Variants in ZNF92 observed in about 807,000 individuals in gnomAD.
ZNF92 encodes epididymis luminal protein 203.
A neutral mutation model predicts 12.4 loss-of-function variants in ZNF92; 11 were observed. That is an observed-to-expected ratio of 0.89 (90% CI 0.56 to 1.47). ZNF92 has a LOEUF of 1.47. Ranked by LOEUF, ZNF92 falls within the 40% of genes most tolerant of loss-of-function variation. ZNF92 has a pLI of 0.00. For synonymous variants in ZNF92, 206 were observed against 228.6 expected, an observed-to-expected ratio of 0.90 and a Z score of 0.89; for missense variants, 622 against 681.0, an observed-to-expected ratio of 0.91 and a Z score of 0.96.
rs1793985039 is a variant in ZNF92 at position 65,400,466 on chromosome 7, T to C, written c.*591T>C. ...CAGAGAGTTCATACTAAAATATATTTTTGCAGATGCAGTAAATATGAAAAA... is the reference window on the plus strand; with the variant it reads ...CAGAGAGTTCATACTAAAATATATTCTTGCAGATGCAGTAAATATGAAAAA... On this transcript the variant is annotated 3_prime_UTR_variant, in exon 4 of 4. Transcript: ENST00000328747. 3.3e-5 allele frequency: 5 copies of C among 152,152 alleles called. No homozygotes were observed. In the South Asian group the frequency reaches 1.0e-3, roughly 32 times the overall value. 9.4% of individuals were successfully genotyped at this position (152,152 alleles called of 1,614,324 possible). A position where few individuals can be genotyped will look rare whatever the true frequency, so the allele number is the denominator to read the frequency against.
intron 1 of ZNF92, among the ~76,000 whole-genome samples, chr7:65,386,634 A>G (rs1253676018): frequency 6.6e-6 from 1 of 152,102 alleles, no homozygotes; most frequent in Non-Finnish European, 1.5e-5. Flanking sequence ...TATGTTGTCT[A>G]GGGTGCTAAA....
chr7:65,388,132 G>A (rs1278809857), intron 2 of ZNF92, 104 bp downstream of exon 2: 1 of 1,288,530 alleles, frequency 7.8e-7, no homozygotes, highest in Admixed American at 2.6e-5. Context: ...ATGAGTTTCA[G>A]ATCCCAGTTT....
In ZNF92 at chr7:65,398,869, CTGG is replaced by C; in HGVS notation, c.756_758del (p.Gly253del). The C allele has an allele frequency of 6.2e-7, 1 of 1,612,870 alleles. No homozygotes were observed. The highest frequency in any genetic ancestry group is 1.1e-5 in the South Asian group (1 of 90,994). ...CTTACTAAACATAAAATAATTCATA[CTGG>C]AGAGAAACCCTACAAATGTGAAGAA... is the stretch of plus-strand genomic sequence containing the variant. On this transcript the variant is annotated inframe_deletion, in exon 4 of 4. Transcript: ENST00000328747.
chr7:65,397,787 C>G (rs984149693), intron 3 of ZNF92, among the ~76,000 whole-genome samples: 8 of 150,618 alleles, frequency 5.3e-5, no homozygotes, highest in Admixed American at 4.7e-4. Flanking sequence ...TAATCAGTTG[C>G]TACACGTGTT....
At chr7:65,380,027 A>C (rs771241444) in intron 1 of ZNF92, among the ~76,000 whole-genome samples, 3 of 151,714 alleles carry the variant, frequency 2.0e-5, no homozygotes, top group African/African-American at 7.3e-5. Flanking sequence ...GCCACCCTCT[A>C]CCCTCAACTA....
rs746328470 is a variant in ZNF92 at position 65,399,851 on chromosome 7, T to C, written c.1737T>C (p.Tyr579=). Residue 579 remains tyrosine, a synonymous_variant, in exon 4 of 4, where the codon TAT becomes TAC. Coordinates refer to ENST00000328747, the MANE Select transcript of ZNF92 (RefSeq NM_152626.4). ...GAGCCTTTAACAAATCCTCAAATTA[T>C]ACTAAAGAGAAACTACAAACCTGAA... ...CGRAFNKSSN[Y]TKEKLQT 2.0e-5 allele frequency: 31 copies of C among 1,583,108 alleles called. No individual in the cohort carries two copies. Among genetic ancestry groups the C allele is most frequent in the Non-Finnish European group, 2.7e-5 (31 of 1,166,818 alleles).
At chr7:65,388,094 GT>G (rs1289083178) in intron 2 of ZNF92, 66 bp downstream of exon 2, 1 of 1,505,772 alleles carries the variant, frequency 6.6e-7, no homozygotes, top group South Asian at 1.2e-5. Context: ...TTTGTAAAAT[GT>G]TTTTTGGTAA....
chr7:65,398,558 T>C lies in ZNF92; in HGVS notation c.444T>C (p.Asp148=), dbSNP rs772513652. The change falls in exon 4 of 4, where the codon GAT becomes GAC. Residue 148 remains aspartate, a synonymous_variant. Coordinates refer to ENST00000328747, the MANE Select transcript of ZNF92 (RefSeq NM_152626.4). ...TTTDSKIFQC[D]KYVKVFHKFP... The stretch of plus-strand genomic sequence containing the variant: ...CTGACAGCAAGATATTTCAGTGTGA[T>C]AAATATGTGAAAGTCTTTCATAAAT... 1 of 1,609,620 alleles carries C rather than the reference T, an allele frequency of 6.2e-7. No individual in the cohort carries two copies. Among genetic ancestry groups the C allele is most frequent in the Admixed American group, 1.7e-5 (1 of 58,882 alleles).
chr7:65,383,043 A>T (rs1793466341), intron 1 of ZNF92, among the ~76,000 whole-genome samples: 1 of 152,164 alleles, frequency 6.6e-6, no homozygotes, highest in Non-Finnish European at 1.5e-5. Flanking sequence ...TATGTCAATC[A>T]GTAATCAAGG....
intron 1 of ZNF92, among the ~76,000 whole-genome samples, chr7:65,386,843 T>C (rs1019643921): frequency 6.6e-6 from 1 of 152,234 alleles, no homozygotes; most frequent in Admixed American, 6.5e-5. Context: ...TCAGTTGATA[T>C]TAATGATTCA....
intron 1 of ZNF92, among the ~76,000 whole-genome samples, chr7:65,387,403 C>T (rs1034146830): frequency 2.4e-4 from 37 of 152,022 alleles, no homozygotes; most frequent in African/African-American, 8.9e-4. Flanking sequence ...CCACACTCCT[C>T]CCCCTTACTG....
At chr7:65,397,861 C>T (rs1793882819) in intron 3 of ZNF92, among the ~76,000 whole-genome samples, 1 of 150,940 alleles carries the variant, frequency 6.6e-6, no homozygotes, top group African/African-American at 2.4e-5. Flanking sequence ...TCTCAGCAGA[C>T]AAACTGTCAT....
chr7:65,398,955 G>A lies in ZNF92; in HGVS notation c.841G>A (p.Glu281Lys), dbSNP rs761830967. The A allele has an allele frequency of 6.8e-6, 11 of 1,613,060 alleles. No homozygotes were observed. Among genetic ancestry groups the A allele is most frequent in the Non-Finnish European group, 9.3e-6 (11 of 1,179,688 alleles). ...TLTKHKRIHTEEKPYKCEECG... is the reference protein window; with the variant it reads ...TLTKHKRIHTKEKPYKCEECG... Reference sequence around the variant, plus strand: ...TACTAAACATAAAAGAATTCATACAGAAGAGAAACCCTACAAATGTGAAGA... The same window carrying A: ...TACTAAACATAAAAGAATTCATACAAAAGAGAAACCCTACAAATGTGAAGA... The change falls in exon 4 of 4, where the codon GAA becomes AAA. Residue 281 changes from glutamate to lysine, a missense_variant. Transcript: ENST00000328747.
At chr7:65,385,833 A>G (rs1283707331) in intron 1 of ZNF92, among the ~76,000 whole-genome samples, 1 of 152,028 alleles carries the variant, frequency 6.6e-6, no homozygotes, top group African/African-American at 2.4e-5. Flanking sequence ...CAGAGCAGGA[A>G]GAGAAAGAGG....
chr7:65,399,438 A>C lies in ZNF92; in HGVS notation c.1324A>C (p.Lys442Gln). The change falls in exon 4 of 4, where the codon AAA (lysine) becomes CAA (glutamine). Residue 442 changes from lysine to glutamine, a missense_variant. Transcript: ENST00000328747. ...CTTTAGCTGGTCCTCAGCTTTTACT[A>C]AACATAAGAGAAATCATATGGAAGA... is the stretch of plus-strand genomic sequence containing the variant. ...KAFSWSSAFT[K>Q]HKRNHMEDKP... 1 of 1,613,598 alleles carries C rather than the reference A, an allele frequency of 6.2e-7. No homozygotes were observed.
chr7:65,383,248 A>G (rs976884224), intron 1 of ZNF92, among the ~76,000 whole-genome samples: 3 of 152,060 alleles, frequency 2.0e-5, no homozygotes, highest in African/African-American at 4.8e-5. Context: ...GCTTTTTCCT[A>G]TGAAGGAGGA....
intron 3 of ZNF92, among the ~76,000 whole-genome samples, chr7:65,394,486 CTGTT>C (rs1165381146): frequency 2.0e-5 from 3 of 151,974 alleles, no homozygotes; most frequent in African/African-American, 4.8e-5. Flanking sequence ...AGTATAATGG[CTGTT>C]TGTTCTTTTT....
chr7:65,378,103 G>A (rs928039084), intron 1 of ZNF92, among the ~76,000 whole-genome samples: 24 of 151,922 alleles, frequency 1.6e-4, no homozygotes, highest in African/African-American at 5.8e-4. Context: ...TGTAATTCCA[G>A]CACTTTGGGA....
At chr7:65,388,957 G>A in intron 3 of ZNF92, 56 bp downstream of exon 3, 2 of 1,419,824 alleles carry the variant, frequency 1.4e-6, no homozygotes, top group Non-Finnish European at 9.6e-7. Context: ...AAGTCAAGGA[G>A]AAGGCCAGTC....
Sources: gnomAD v4.1 joint callset for allele counts (sites outside exome capture counted in the v4.1 genomes callset) on GRCh38, gnomAD v4.1.1 for gene constraint, MANE v1.5 for transcripts, NCBI Gene and HGNC (gene_info 2026-07-23, HGNC 2026-07-21) for gene names.